The following CNGA1 variants were observed in gnomAD, a reference collection of about 807,000 sequenced individuals.
CNGA1 encodes the protein cyclic nucleotide gated channel subunit alpha 1.
A neutral mutation model predicts 69.7 loss-of-function variants in CNGA1; 53 were observed. The observed-to-expected ratio is 0.76, with a 90% CI of 0.61 to 0.96. The LOEUF is 0.96. Ranked by LOEUF, CNGA1 falls within the 40% of genes least tolerant of loss-of-function variation. The probability of loss-of-function intolerance (pLI) is 0.00; values close to 1 mark genes in which losing one functional copy is unlikely to be tolerated. For synonymous variants in CNGA1, 249 were observed against 283.5 expected, an observed-to-expected ratio of 0.88 and a Z score of 1.22; for missense variants, 739 against 811.2, an observed-to-expected ratio of 0.91 and a Z score of 1.08.
chr4:47,989,456 C>T (rs1435884652), intron 2 of CNGA1, among the ~76,000 whole-genome samples: 1 of 152,076 alleles, frequency 6.6e-6, no homozygotes, highest in South Asian at 2.1e-4. Context: ...TGTACACTTA[C>T]CAGGGTACCA....
intron 2 of CNGA1, among the ~76,000 whole-genome samples, chr4:47,996,218 A>G (rs906224367): frequency 9.9e-5 from 15 of 152,104 alleles, no homozygotes; most frequent in African/African-American, 3.6e-4. Context: ...CCCATCCACC[A>G]TGATCCCTCC....
intron 6 of CNGA1, among the ~76,000 whole-genome samples, chr4:47,944,675 G>GTGATGT (rs1225039052): frequency 6.6e-6 from 1 of 152,202 alleles, no homozygotes; most frequent in African/African-American, 2.4e-5. Flanking sequence ...GGATGCAAAA[G>GTGATGT]TGATGTGGAA....
chr4:47,989,885 G>A (rs1742176862), intron 2 of CNGA1, among the ~76,000 whole-genome samples: 1 of 151,716 alleles, frequency 6.6e-6, no homozygotes, highest in African/African-American at 2.4e-5. Context: ...ACCAGCTGAA[G>A]CTGCAGCAGA....
intron 2 of CNGA1, among the ~76,000 whole-genome samples, chr4:47,987,540 A>T (rs1448752818): frequency 6.6e-6 from 1 of 152,206 alleles, no homozygotes; most frequent in Admixed American, 6.5e-5. Flanking sequence ...ATAGTCATTC[A>T]TTCAACAAAT....
chr4:47,939,370 A>C (rs963285383), intron 10 of CNGA1, among the ~76,000 whole-genome samples: 1 of 152,220 alleles, frequency 6.6e-6, no homozygotes, highest in Admixed American at 6.5e-5. Flanking sequence ...CCCTGTTCTC[A>C]TGACTCTTCC....
At chr4:48,002,191 TAA>T (rs1714690379) in intron 2 of CNGA1, among the ~76,000 whole-genome samples, 1 of 152,070 alleles carries the variant, frequency 6.6e-6, no homozygotes, top group Admixed American at 6.6e-5. Flanking sequence ...GTAATAAAAA[TAA>T]GAGTAGATAT....
chr4:47,940,666 G>C, intron 10 of CNGA1, 97 bp downstream of exon 10: 1 of 905,382 alleles, frequency 1.1e-6, no homozygotes, highest in Non-Finnish European at 1.8e-6. Context: ...ATTTTTGTGA[G>C]TTTTCTTTGA....
intron 2 of CNGA1, among the ~76,000 whole-genome samples, chr4:48,004,686 C>T (rs1294640486): frequency 1.3e-5 from 2 of 152,104 alleles, no homozygotes; most frequent in African/African-American, 4.8e-5. Flanking sequence ...AAGGAACAAT[C>T]CTGGAAAATG....
intron 3 of CNGA1, among the ~76,000 whole-genome samples, chr4:47,962,062 A>G (rs1740470370): frequency 6.6e-6 from 1 of 152,104 alleles, no homozygotes; most frequent in Non-Finnish European, 1.5e-5. Flanking sequence ...AATATTAATT[A>G]TGGCCGGGCG....
intron 3 of CNGA1, among the ~76,000 whole-genome samples, chr4:47,966,765 G>T (rs896332794): frequency 1.3e-5 from 2 of 152,110 alleles, no homozygotes; most frequent in Non-Finnish European, 2.9e-5. Context: ...ACTATTATAA[G>T]TATATTTGTA....
chr4:48,005,460 C>A (rs1010943025), intron 2 of CNGA1, among the ~76,000 whole-genome samples: 1 of 152,120 alleles, frequency 6.6e-6, no homozygotes, highest in African/African-American at 2.4e-5. Flanking sequence ...GTTTACAGTG[C>A]AACAAAAATA....
intron 3 of CNGA1, among the ~76,000 whole-genome samples, chr4:47,968,476 G>A (rs1420083776): frequency 6.6e-6 from 1 of 151,882 alleles, no homozygotes; most frequent in Non-Finnish European, 1.5e-5. Flanking sequence ...CAGAAAAACG[G>A]CTAACATCAG....
rs554248156 is a variant in CNGA1, at chr4:47,969,693, C to T, written c.-15+11700G>A. 3.1e-3 allele frequency among the ~76,000 whole-genome samples: 473 copies of T among 152,256 alleles called. 2 individuals are homozygous for T. Among genetic ancestry groups the T allele is most frequent in the Middle Eastern group, 0.027 (8 of 294 alleles). On this transcript the variant is annotated intron_variant, in intron 3 of 10. Transcript: ENST00000514170. Reference sequence around the variant, plus strand: ...CCGTGTTGGCCAGGCTGGTCTTGAACTCCTGACCTCGGGTGATCTCCCCGC... The same window carrying T: ...CCGTGTTGGCCAGGCTGGTCTTGAATTCCTGACCTCGGGTGATCTCCCCGC...
intron 8 of CNGA1, chr4:47,942,970 C>A: frequency 2.2e-6 from 1 of 450,668 alleles, no homozygotes; most frequent in South Asian, 3.2e-5. Flanking sequence ...AATAATGCTA[C>A]CATTGCTAAT....
At chr4:48,008,701 T>C (rs1577611195) in intron 2 of CNGA1, among the ~76,000 whole-genome samples, 1 of 152,208 alleles carries the variant, frequency 6.6e-6, no homozygotes, top group African/African-American at 2.4e-5. Flanking sequence ...AAACTCACCT[T>C]TGCAAAATTC....
chr4:48,006,321 T>C lies in CNGA1; in HGVS notation c.-123+4473A>G, dbSNP rs180910454. ...ATGACAAAAAGTTTTAGGGCAGCCATAGTCAAAGACACAATTGATGAGGAA... is the reference window on the plus strand; with the variant it reads ...ATGACAAAAAGTTTTAGGGCAGCCACAGTCAAAGACACAATTGATGAGGAA... On this transcript the variant is annotated intron_variant, in intron 2 of 10. Coordinates refer to ENST00000514170, the MANE Select transcript of CNGA1 (RefSeq NM_001379270.1). 1.8e-4 allele frequency among the ~76,000 whole-genome samples: 28 copies of C among 152,280 alleles called. No individual in the cohort carries two copies. In the East Asian group the frequency reaches 3.7e-3, roughly 20 times the overall value.
At chr4:47,974,263 A>C (rs1350200803) in intron 3 of CNGA1, among the ~76,000 whole-genome samples, 2 of 152,186 alleles carry the variant, frequency 1.3e-5, no homozygotes, top group African/African-American at 4.8e-5. Flanking sequence ...TTAATGTTAA[A>C]CATTAAATTT....
chr4:47,975,330 C>T (rs1230241066), intron 3 of CNGA1, among the ~76,000 whole-genome samples: 1 of 152,122 alleles, frequency 6.6e-6, no homozygotes, highest in African/African-American at 2.4e-5. Flanking sequence ...AAATTGTTAT[C>T]AACGTATAAA....
At chr4:47,979,562 G>C (rs1380193610) in intron 3 of CNGA1, among the ~76,000 whole-genome samples, 1 of 152,014 alleles carries the variant, frequency 6.6e-6, no homozygotes, top group African/African-American at 2.4e-5. Context: ...AGAAAACAAA[G>C]GAAAGTTTCT....
Sources: gnomAD v4.1 joint callset for allele counts (sites outside exome capture counted in the v4.1 genomes callset) on GRCh38, gnomAD v4.1.1 for gene constraint, MANE v1.5 for transcripts, NCBI Gene and HGNC (gene_info 2026-07-23, HGNC 2026-07-21) for gene names.